PRDM11: variants seen among roughly 807,000 people sequenced by gnomAD.
PRDM11 encodes the protein PR/SET domain 11, also known as PR domain-containing protein 11.
A neutral mutation model predicts 97.8 loss-of-function variants in PRDM11; 20 were observed. That is an observed-to-expected ratio of 0.20 (90% CI 0.14 to 0.30). PRDM11 has a LOEUF of 0.30. Ranked by LOEUF, PRDM11 falls within the 10% of genes least tolerant of loss-of-function variation. The pLI, the probability that PRDM11 is intolerant of heterozygous loss-of-function variation, is 1.00. For synonymous variants in PRDM11, 599 were observed against 637.7 expected, an observed-to-expected ratio of 0.94 and a Z score of 0.91; for missense variants, 1,139 against 1,555.2, an observed-to-expected ratio of 0.73 and a Z score of 4.50.
At chr11:45,221,074 G>A (rs1430203927) in intron 6 of PRDM11, among the ~76,000 whole-genome samples, 1 of 152,190 alleles carries the variant, frequency 6.6e-6, no homozygotes, top group Admixed American at 6.5e-5. Flanking sequence ...AAGATGAAAA[G>A]GGGGTGGGAG....
intron 1 of PRDM11, among the ~76,000 whole-genome samples, chr11:45,155,329 G>C (rs974030231): frequency 2.6e-5 from 4 of 152,204 alleles, no homozygotes; most frequent in African/African-American, 4.8e-5. Context: ...GGGGCATGGG[G>C]AGGAGCCCAC....
At chr11:45,103,187 C>A (rs941424492) in intron 1 of PRDM11, among the ~76,000 whole-genome samples, 24 of 152,210 alleles carry the variant, frequency 1.6e-4, no homozygotes, top group Non-Finnish European at 3.2e-4. Context: ...CAGCTTTCCC[C>A]TGCATCCCTC....
chr11:45,200,037 G>A (rs1481407029), intron 4 of PRDM11, among the ~76,000 whole-genome samples: 2 of 152,188 alleles, frequency 1.3e-5, no homozygotes, highest in African/African-American at 4.8e-5. Flanking sequence ...AGCTTTCTAA[G>A]AGCAAAGACA....
chr11:45,189,583 C>T (rs1852836402), intron 4 of PRDM11, among the ~76,000 whole-genome samples: 1 of 152,206 alleles, frequency 6.6e-6, no homozygotes, highest in African/African-American at 2.4e-5. Flanking sequence ...TGGAATTGTC[C>T]ACTCCATGCG....
chr11:45,122,782 A>C (rs545044794), intron 1 of PRDM11, among the ~76,000 whole-genome samples: 2 of 152,120 alleles, frequency 1.3e-5, no homozygotes, highest in South Asian at 4.1e-4. Flanking sequence ...TGCTATTGTG[A>C]ATAGTGCCAC....
At position 45,226,095 on chromosome 11, in the gene PRDM11, G is replaced by A. The variant is rs1451028335; in HGVS notation, c.1470G>A (p.Thr490=). The A allele has an allele frequency of 1.5e-5, 23 of 1,532,232 alleles. No individual in the cohort carries two copies. The highest frequency in any genetic ancestry group is 3.9e-5 in the Admixed American group (2 of 50,950). The allele number at this position is 1,532,232 out of a possible 1,614,324, so 94.9% of individuals were successfully genotyped here. A position where few individuals can be genotyped will look rare whatever the true frequency, so the allele number is the denominator to read the frequency against. ...TCTCCAATGATATGATGACAGCGAC[G>A]GATGAGCCCTCCAAGATGTCATCGG... The part of the protein sequence containing the change: ...ESVSNDMMTA[T]DEPSKMSSAT... The change falls in exon 8 of 8, where the codon ACG becomes ACA. Residue 490 remains threonine, a synonymous_variant. Coordinates refer to ENST00000683152, the MANE Select transcript of PRDM11 (RefSeq NM_001384648.1).
chr11:45,097,345 C>T (rs530042117), intron 1 of PRDM11, among the ~76,000 whole-genome samples: 1 of 152,314 alleles, frequency 6.6e-6, no homozygotes, highest in African/African-American at 2.4e-5. Flanking sequence ...TCACAGGCTT[C>T]TCTATCAAGT....
At chr11:45,197,882 G>A (rs974332411) in intron 4 of PRDM11, among the ~76,000 whole-genome samples, 7 of 152,090 alleles carry the variant, frequency 4.6e-5, no homozygotes, top group Admixed American at 1.3e-4. Context: ...GGGGTGCGGG[G>A]AAGGGGGAGG....
At chr11:45,192,283 A>G (rs1440707772) in intron 4 of PRDM11, among the ~76,000 whole-genome samples, 2 of 152,226 alleles carry the variant, frequency 1.3e-5, no homozygotes, top group Admixed American at 1.3e-4. Context: ...AGTGAAAGTC[A>G]CTTTTCTTGT....
intron 1 of PRDM11, among the ~76,000 whole-genome samples, chr11:45,131,171 A>G (rs968402367): frequency 3.9e-5 from 6 of 152,206 alleles, no homozygotes; most frequent in African/African-American, 1.4e-4. Flanking sequence ...AATTTCATTT[A>G]TGTGAAGTTC....
upstream of PRDM11, among the ~76,000 whole-genome samples, chr11:45,142,052 G>C (rs949881728): frequency 6.6e-6 from 1 of 152,100 alleles, no homozygotes; most frequent in Non-Finnish European, 1.5e-5. Flanking sequence ...TAGAATTCAG[G>C]GATAATTCAA....
chr11:45,095,447 G>A (rs1851876073), upstream of PRDM11, among the ~76,000 whole-genome samples: 2 of 152,220 alleles, frequency 1.3e-5, no homozygotes, highest in Admixed American at 1.3e-4. Context: ...AGTAGAGACA[G>A]TGCTGGGGAG....
chr11:45,139,652 C>G (rs560722827), intron 1 of PRDM11, among the ~76,000 whole-genome samples: 3 of 151,212 alleles, frequency 2.0e-5, no homozygotes, highest in Non-Finnish European at 4.4e-5. Context: ...TTTGGGAACT[C>G]ATCTTAAGGG....
In PRDM11 at chr11:45,219,677, T is replaced by C; in HGVS notation, c.662T>C (p.Leu221Pro). 6.2e-7 allele frequency: 1 copy of C among 1,614,034 alleles called. No homozygotes were observed. Among genetic ancestry groups the C allele is most frequent in the Non-Finnish European group, 8.5e-7 (1 of 1,180,010 alleles). ...AGGGACATCCGGCCTGGGGAGTGGC[T>C]GCGGGTCTGGTACAGCGAGGACTAC... The part of the protein sequence containing the change: ...ACRDIRPGEW[L>P]RVWYSEDYMK... Residue 221 changes from leucine (L) to proline (P), a missense_variant, in exon 6 of 8, where the codon CTG (leucine) becomes CCG (proline). Physicochemically the swap from Leu to Pro is moderately conservative, Grantham distance 98. Transcript: ENST00000683152. The surrounding 1 kb of genome is among the most constrained non-coding windows in gnomAD (Gnocchi z 4.2).
At chr11:45,131,886 T>C (rs771428077) in intron 1 of PRDM11, among the ~76,000 whole-genome samples, 3 of 152,344 alleles carry the variant, frequency 2.0e-5, no homozygotes, top group Admixed American at 1.3e-4. Context: ...TCAAAAATGT[T>C]ATCCGGGATC....
intron 1 of PRDM11, among the ~76,000 whole-genome samples, chr11:45,179,084 G>C (rs910364888): frequency 1.3e-5 from 2 of 152,168 alleles, no homozygotes; most frequent in African/African-American, 4.8e-5. Flanking sequence ...GACTCAGCAA[G>C]TTCACAGGCC....
intron 1 of PRDM11, among the ~76,000 whole-genome samples, chr11:45,103,425 A>G (rs1852012352): frequency 6.6e-6 from 1 of 152,164 alleles, no homozygotes; most frequent in Admixed American, 6.5e-5. Flanking sequence ...GCCTATATGG[A>G]TCACCATGTG....
At chr11:45,157,872 G>A (rs1219180369) in intron 1 of PRDM11, among the ~76,000 whole-genome samples, 5 of 152,236 alleles carry the variant, frequency 3.3e-5, no homozygotes, top group African/African-American at 1.2e-4. Context: ...GTCCAGAGCC[G>A]TGTTCAGGGA....
intron 1 of PRDM11, among the ~76,000 whole-genome samples, chr11:45,105,262 A>G (rs556319672): frequency 1.3e-5 from 2 of 152,322 alleles, no homozygotes; most frequent in African/African-American, 2.4e-5. Context: ...TCCTAATACC[A>G]TCACATCGGT....
Sources: gnomAD v4.1 joint callset for allele counts (sites outside exome capture counted in the v4.1 genomes callset) on GRCh38, gnomAD v4.1.1 for gene constraint, Gnocchi (gnomAD v3.1) non-coding constraint, MANE v1.5 for transcripts, NCBI Gene and HGNC (gene_info 2026-07-23, HGNC 2026-07-21) for gene names.